The following TDP1 variants were observed in gnomAD, a reference collection of about 807,000 sequenced individuals.
TDP1 encodes tyr-DNA phosphodiesterase 1.
TDP1 carries 64 observed loss-of-function variants against 81.5 expected under a neutral mutation model. That is an observed-to-expected ratio of 0.79 (90% CI 0.64 to 0.97). The LOEUF (loss-of-function observed/expected upper bound fraction) is 0.97. TDP1 is among the 50% of genes least tolerant of loss of function. The pLI, the probability that TDP1 is intolerant of heterozygous loss-of-function variation, is 0.00. For missense variants in TDP1, 723 were observed against 743.8 expected (o/e 0.97, Z 0.33); for synonymous variants, 256 against 264.3 (o/e 0.97, Z 0.30).
chr14:90,041,380 T>C (rs759377797), intron 16 of TDP1, among the ~76,000 whole-genome samples: 7 of 152,244 alleles, frequency 4.6e-5, no homozygotes, highest in Non-Finnish European at 8.8e-5. Context: ...TTTGGTTTCA[T>C]GCTTTCAGAC....
intron 15 of TDP1, among the ~76,000 whole-genome samples, chr14:90,030,375 C>T (rs1383745329): frequency 6.6e-6 from 1 of 152,162 alleles, no homozygotes; most frequent in East Asian, 1.9e-4. Context: ...AAAATTACAC[C>T]AATTTTTCAA....
Position 89,967,351 on chromosome 14 carries a change from C to G in TDP1, c.604-16C>G. The stretch of plus-strand genomic sequence containing the variant: ...AATTACCTATGGCTTAGTTACTCTT[C>G]TTTTCTCCCATCTAGTTTAACTACT... On this transcript the variant is annotated splice_polypyrimidine_tract_variant and intron_variant, in intron 4 of 16. Transcript: ENST00000335725. 1 of 1,613,378 alleles carries G rather than the reference C, an allele frequency of 6.2e-7. No individual in the cohort carries two copies. The highest frequency in any genetic ancestry group is 1.6e-4 in the Middle Eastern group (1 of 6,062).
intron 14 of TDP1, among the ~76,000 whole-genome samples, chr14:90,000,837 A>G (rs150456587): frequency 2.0e-5 from 3 of 152,242 alleles, no homozygotes; most frequent in African/African-American, 4.8e-5. Flanking sequence ...TCTGGCTCCA[A>G]AGCTCTTTGA....
intron 10 of TDP1, among the ~76,000 whole-genome samples, chr14:89,986,059 C>T (rs1895521483): frequency 2.6e-5 from 4 of 152,236 alleles, no homozygotes; most frequent in Admixed American, 2.6e-4. Context: ...AAGTGGCTTT[C>T]TTAAAAGCCT....
intron 8 of TDP1, among the ~76,000 whole-genome samples, chr14:89,983,722 A>G (rs886073618): frequency 2.0e-5 from 3 of 152,186 alleles, no homozygotes; most frequent in Admixed American, 6.5e-5. Context: ...CATTTTAGTA[A>G]TCTACTGTGG....
intron 14 of TDP1, among the ~76,000 whole-genome samples, chr14:89,995,583 C>T (rs1253301381): frequency 6.6e-6 from 1 of 152,238 alleles, no homozygotes. Context: ...AGAACCCACT[C>T]TCTCAGCCCT....
chr14:89,973,476 TC>T (rs1893889019), intron 6 of TDP1, among the ~76,000 whole-genome samples: 1 of 152,202 alleles, frequency 6.6e-6, no homozygotes, highest in Non-Finnish European at 1.5e-5. Flanking sequence ...GTGAAGAAGC[TC>T]CCAACTCTAG....
chr14:89,992,227 AAGAC>A (rs1896271356), intron 13 of TDP1, among the ~76,000 whole-genome samples: 1 of 152,242 alleles, frequency 6.6e-6, no homozygotes, highest in Admixed American at 6.5e-5. Flanking sequence ...CATGCCAAGA[AAGAC>A]AAATAGAAGA....
At chr14:89,969,241 C>T (rs1893301553) in intron 5 of TDP1, among the ~76,000 whole-genome samples, 1 of 152,158 alleles carries the variant, frequency 6.6e-6, no homozygotes, top group African/African-American at 2.4e-5. Flanking sequence ...ACAGTATCCA[C>T]TGGACTCTCA....
intron 6 of TDP1, 62 bp downstream of exon 6, chr14:89,971,333 T>C: frequency 5.7e-6 from 7 of 1,220,230 alleles, no homozygotes; most frequent in Non-Finnish European, 8.5e-6. Flanking sequence ...ACTTAGACAT[T>C]TAGTCCACCC....
At chr14:90,017,643 G>A (rs1885471214) in intron 14 of TDP1, among the ~76,000 whole-genome samples, 3 of 152,168 alleles carry the variant, frequency 2.0e-5, no homozygotes, top group Admixed American at 6.5e-5. Context: ...GATACTGATA[G>A]TCAAGAGTTG....
intron 16 of TDP1, among the ~76,000 whole-genome samples, chr14:90,035,590 A>G (rs77930785): frequency 0.054 from 8,228 of 152,266 alleles, 369 homozygotes; most frequent in African/African-American, 0.12. Flanking sequence ...CTGTCTACAC[A>G]GTGAGGAACT....
At chr14:90,027,606 T>G (rs561654212) in intron 15 of TDP1, among the ~76,000 whole-genome samples, 1 of 152,272 alleles carries the variant, frequency 6.6e-6, no homozygotes, top group Non-Finnish European at 1.5e-5. Flanking sequence ...TAAGAGAATA[T>G]GGGGAAACAC....
intron 7 of TDP1, among the ~76,000 whole-genome samples, chr14:89,977,434 A>G (rs1239080055): frequency 1.3e-5 from 2 of 152,008 alleles, no homozygotes; most frequent in Non-Finnish European, 1.5e-5. Context: ...AGTTGCTGGG[A>G]CTACAGGCGT....
At chr14:90,028,951 A>G (rs1026853542) in intron 15 of TDP1, among the ~76,000 whole-genome samples, 1 of 152,184 alleles carries the variant, frequency 6.6e-6, no homozygotes, top group Admixed American at 6.5e-5. Context: ...CTGAAACTCC[A>G]TAAAAGTATA....
intron 3 of TDP1, among the ~76,000 whole-genome samples, chr14:89,964,005 C>T (rs936993126): frequency 1.3e-5 from 2 of 152,134 alleles, no homozygotes; most frequent in Non-Finnish European, 2.9e-5. Flanking sequence ...AGTAGTTCTC[C>T]ATGGGCCCTG....
chr14:89,995,647 G>A (rs957014669), intron 14 of TDP1, among the ~76,000 whole-genome samples: 1 of 152,116 alleles, frequency 6.6e-6, no homozygotes, highest in Non-Finnish European at 1.5e-5. Context: ...TACCAGTAAG[G>A]AGCTCCCTTG....
intron 15 of TDP1, among the ~76,000 whole-genome samples, 163 bp downstream of exon 15, chr14:90,019,581 A>C (rs1377450916): frequency 6.6e-6 from 1 of 152,230 alleles, no homozygotes; most frequent in Non-Finnish European, 1.5e-5. Flanking sequence ...CTCTGAGCTT[A>C]CTGAACACTC....
intron 7 of TDP1, among the ~76,000 whole-genome samples, chr14:89,979,027 G>A (rs1354754212): frequency 6.6e-6 from 1 of 152,164 alleles, no homozygotes; most frequent in East Asian, 1.9e-4. Flanking sequence ...TATTTGGAGA[G>A]AGCCAGTGGT....
Sources: gnomAD v4.1 joint callset for allele counts (sites outside exome capture counted in the v4.1 genomes callset) on GRCh38, gnomAD v4.1.1 for gene constraint, MANE v1.5 for transcripts, NCBI Gene and HGNC (gene_info 2026-07-23, HGNC 2026-07-21) for gene names.